COL26A1: variants seen among roughly 807,000 people sequenced by gnomAD.
The protein encoded by COL26A1 is collagen alpha-1(XXVI) chain.
A neutral mutation model predicts 59.3 loss-of-function variants in COL26A1; 41 were observed. The observed-to-expected ratio is 0.69, with a 90% CI of 0.54 to 0.90. The LOEUF (loss-of-function observed/expected upper bound fraction) is 0.90. Ranked by LOEUF, COL26A1 falls within the 40% of genes least tolerant of loss-of-function variation. The pLI is 0.00. For missense variants in COL26A1, 612 were observed against 602.3 expected, an observed-to-expected ratio of 1.02 and a Z score of -0.17; for synonymous variants, 266 against 256.0, an observed-to-expected ratio of 1.04 and a Z score of -0.37.
intron 1 of COL26A1, among the ~76,000 whole-genome samples, chr7:101,384,410 T>A (rs1424010847): frequency 6.6e-6 from 1 of 151,922 alleles, no homozygotes; most frequent in South Asian, 2.1e-4. Context: ...GTATTTTTAG[T>A]AGAGATGGGG....
chr7:101,524,298 AGT>A (rs1795197139), intron 3 of COL26A1, among the ~76,000 whole-genome samples: 1 of 151,594 alleles, frequency 6.6e-6, no homozygotes, highest in African/African-American at 2.4e-5. Context: ...CGACTATTGC[AGT>A]GACATCGATG....
intron 11 of COL26A1, 99 bp downstream of exon 11, chr7:101,553,475 A>G (rs3800980): frequency 0.54 from 672,570 of 1,245,296 alleles, 187,250 homozygotes; most frequent in Middle Eastern, 0.67. Context: ...ACCGTCAGCC[A>G]GCCCCGAGCT....
intron 3 of COL26A1, among the ~76,000 whole-genome samples, chr7:101,468,418 T>G (rs1793816050): frequency 6.6e-6 from 1 of 152,236 alleles, no homozygotes; most frequent in Admixed American, 6.5e-5. Context: ...AGCTCTTTTA[T>G]CACTTTGTAA....
intron 3 of COL26A1, among the ~76,000 whole-genome samples, chr7:101,448,071 T>C (rs970105907): frequency 6.6e-6 from 1 of 152,200 alleles, no homozygotes; most frequent in Non-Finnish European, 1.5e-5. Flanking sequence ...AGGGATTTGA[T>C]TTCTAGCCGG....
At position 101,387,776 on chromosome 7, in the gene COL26A1, A is replaced by ATTT. The variant is rs1445116473; in HGVS notation, c.158+24587_158+24588insTTT. On this transcript the variant is annotated intron_variant, in intron 1 of 12. Coordinates refer to ENST00000313669, the MANE Select transcript of COL26A1 (RefSeq NM_001278563.3). ...TATTTATATATATATATATATATAT[A>ATTT]TATTTTTTTTTAAGACAGAGTCTCA... Among the ~76,000 whole-genome samples, 323 of 84,666 alleles carry ATTT rather than the reference A, an allele frequency of 3.8e-3. 4 individuals are homozygous for ATTT. The highest frequency in any genetic ancestry group is 0.012 in the African/African-American group (248 of 21,172). The allele number at this position is 84,666 out of a possible 152,430, so 55.5% of individuals were successfully genotyped here. A position where few individuals can be genotyped will look rare whatever the true frequency, so the allele number is the denominator to read the frequency against.
intron 3 of COL26A1, among the ~76,000 whole-genome samples, chr7:101,501,054 T>G (rs1794693823): frequency 6.6e-6 from 1 of 150,792 alleles, no homozygotes; most frequent in Non-Finnish European, 1.5e-5. Context: ...GGCATGGTGG[T>G]AGGCGCCTGT....
chr7:101,510,994 A>G (rs1349901511), intron 3 of COL26A1, among the ~76,000 whole-genome samples: 3 of 136,556 alleles, frequency 2.2e-5, no homozygotes, highest in African/African-American at 8.3e-5. Context: ...TCCACCTCCC[A>G]GGTTCACGCG....
At chr7:101,466,883 T>C (rs1793775964) in intron 3 of COL26A1, among the ~76,000 whole-genome samples, 1 of 150,102 alleles carries the variant, frequency 6.7e-6, no homozygotes, top group Non-Finnish European at 1.5e-5. Context: ...ACGTGAAGGG[T>C]CTCAGTATGG....
intron 1 of COL26A1, among the ~76,000 whole-genome samples, chr7:101,403,136 G>T (rs531551407): frequency 6.6e-6 from 1 of 152,042 alleles, no homozygotes. Context: ...GAGCCACTGC[G>T]TGTGGCCGGC....
chr7:101,461,033 G>C (rs1488538943), intron 3 of COL26A1, among the ~76,000 whole-genome samples: 3 of 152,080 alleles, frequency 2.0e-5, no homozygotes, highest in African/African-American at 7.2e-5. Context: ...CCAGGCTGGA[G>C]TGCAGTGGAG....
chr7:101,480,049 C>T (rs1794123856), intron 3 of COL26A1, among the ~76,000 whole-genome samples: 1 of 152,026 alleles, frequency 6.6e-6, no homozygotes, highest in South Asian at 2.1e-4. Flanking sequence ...TCTTGAACTC[C>T]TGGGCTCAAG....
At position 101,467,189 on chromosome 7, in the gene COL26A1, C is replaced by A. The variant is rs190342944; in HGVS notation, c.385+19402C>A. 2.6e-5 allele frequency among the ~76,000 whole-genome samples: 4 copies of A among 152,006 alleles called. No homozygotes were observed. The East Asian group carries it at 7.7e-4, about 29-fold the overall frequency. ...CAGCATTATTGTCAGGGGTAAATAC[C>A]TGAGGTTCATCATCTCACGCCAGGG... is the stretch of plus-strand genomic sequence containing the variant. On this transcript the variant is annotated intron_variant, in intron 3 of 12. Coordinates refer to ENST00000313669, the MANE Select transcript of COL26A1 (RefSeq NM_001278563.3).
At chr7:101,482,153 C>T (rs2130495163) in intron 3 of COL26A1, among the ~76,000 whole-genome samples, 1 of 152,148 alleles carries the variant, frequency 6.6e-6, no homozygotes, top group African/African-American at 2.4e-5. Context: ...ATTACAGGTG[C>T]CTGCCACTAT....
At chr7:101,372,402 T>C (rs996572736) in intron 1 of COL26A1, among the ~76,000 whole-genome samples, 4 of 151,876 alleles carry the variant, frequency 2.6e-5, no homozygotes, top group Middle Eastern at 3.2e-3. Flanking sequence ...CGTCAAGTGA[T>C]CCATCTGCCT....
chr7:101,503,290 G>T (rs1794741997), intron 3 of COL26A1, among the ~76,000 whole-genome samples: 1 of 152,178 alleles, frequency 6.6e-6, no homozygotes, highest in African/African-American at 2.4e-5. Flanking sequence ...GTTGGAAAAT[G>T]AAATATAAAC....
chr7:101,482,692 C>G (rs908747417), intron 3 of COL26A1, among the ~76,000 whole-genome samples: 2 of 152,174 alleles, frequency 1.3e-5, no homozygotes, highest in African/African-American at 4.8e-5. Flanking sequence ...TAGGGTGACT[C>G]ACGCCTGTAA....
At chr7:101,407,879 T>C (rs781641568) in intron 1 of COL26A1, among the ~76,000 whole-genome samples, 11 of 152,024 alleles carry the variant, frequency 7.2e-5, no homozygotes, top group Non-Finnish European at 1.3e-4. Context: ...AAGGGGCGGG[T>C]TATACAGAAA....
At chr7:101,414,965 T>C (rs1419795378) in intron 1 of COL26A1, among the ~76,000 whole-genome samples, 1 of 152,220 alleles carries the variant, frequency 6.6e-6, no homozygotes, top group Non-Finnish European at 1.5e-5. Context: ...GCTGTAGCTA[T>C]GGGCAATGAA....
chr7:101,401,799 G>A (rs1385386902), intron 1 of COL26A1, among the ~76,000 whole-genome samples: 2 of 152,072 alleles, frequency 1.3e-5, no homozygotes, highest in Admixed American at 6.6e-5. Context: ...AGACCCTGGA[G>A]AGGGATGGAC....
Sources: gnomAD v4.1 joint callset for allele counts (sites outside exome capture counted in the v4.1 genomes callset) on GRCh38, gnomAD v4.1.1 for gene constraint, MANE v1.5 for transcripts, NCBI Gene and HGNC (gene_info 2026-07-23, HGNC 2026-07-21) for gene names.